The following METTL25 variants were observed in gnomAD, a reference collection of about 807,000 sequenced individuals.
METTL25 encodes probable methyltransferase-like protein 25.
METTL25 carries 64 observed loss-of-function variants against 71.6 expected under a neutral mutation model. The ratio of observed to expected loss-of-function variants is 0.89; its 90% CI spans 0.73 to 1.10. The LOEUF is 1.10. METTL25 is among the 50% of genes least tolerant of loss of function. The pLI is 0.00. For synonymous variants in METTL25, 287 were observed against 250.3 expected (o/e 1.15, Z -1.38); for missense variants, 807 against 707.0 (o/e 1.14, Z -1.60).
rs553543230 is a variant in METTL25, at chr12:82,424,214, T to G, written c.1280-6679T>G. ...TGGAATACTCTGCAGCCATAAAAAA[T>G]GATGAGTTCATGTCCTTTGTAGGGA... On this transcript the variant is annotated intron_variant, in intron 5 of 11. Transcript: ENST00000248306. Among the ~76,000 whole-genome samples the G allele has an allele frequency of 2.2e-3, 329 of 152,176 alleles. 1 individual carries two copies. Among genetic ancestry groups the G allele is most frequent in the Non-Finnish European group, 3.9e-3 (268 of 68,006 alleles).
intron 1 of METTL25, among the ~76,000 whole-genome samples, chr12:82,365,505 A>G (rs1882461096): frequency 6.6e-6 from 1 of 152,232 alleles, no homozygotes; most frequent in Non-Finnish European, 1.5e-5. Context: ...TATGACCTAT[A>G]TCTTATTTTG....
At chr12:82,476,343 G>T (rs1892877491) in intron 9 of METTL25, 1 of 263,016 alleles carries the variant, frequency 3.8e-6, no homozygotes, top group Non-Finnish European at 7.1e-6. Context: ...CCTCCTGTGT[G>T]TCCAAAGCAT....
intron 1 of METTL25, among the ~76,000 whole-genome samples, chr12:82,372,611 C>T (rs1453699882): frequency 6.6e-6 from 1 of 152,124 alleles, no homozygotes; most frequent in Admixed American, 6.5e-5. Context: ...CATTTTTCCC[C>T]ATCAGAGAGA....
At chr12:82,423,179 A>G (rs1319303542) in intron 5 of METTL25, among the ~76,000 whole-genome samples, 2 of 152,136 alleles carry the variant, frequency 1.3e-5, no homozygotes, top group Non-Finnish European at 2.9e-5. Flanking sequence ...GCATGGTACT[A>G]GTACCAAAAC....
intron 8 of METTL25, among the ~76,000 whole-genome samples, chr12:82,445,279 A>C (rs867005722): frequency 1.3e-5 from 2 of 152,188 alleles, no homozygotes; most frequent in African/African-American, 4.8e-5. Context: ...AAATATATAC[A>C]AATCTATAAT....
chr12:82,459,288 T>C (rs548889595), intron 9 of METTL25, among the ~76,000 whole-genome samples: 1 of 152,260 alleles, frequency 6.6e-6, no homozygotes, highest in African/African-American at 2.4e-5. Flanking sequence ...GGAAAGAGAT[T>C]GAAATTTTTA....
intron 5 of METTL25, among the ~76,000 whole-genome samples, chr12:82,417,142 A>G (rs1309623012): frequency 3.9e-5 from 6 of 152,104 alleles, no homozygotes; most frequent in Non-Finnish European, 8.8e-5. Flanking sequence ...AGAGAATAAC[A>G]TGGAACAGAG....
intron 7 of METTL25, among the ~76,000 whole-genome samples, chr12:82,437,272 C>T (rs1167631859): frequency 6.6e-6 from 1 of 151,600 alleles, no homozygotes; most frequent in Non-Finnish European, 1.5e-5. Flanking sequence ...TTAGTGTGGG[C>T]ACTCAAACAT....
At chr12:82,393,109 CTCTG>C (rs1885748430) in intron 3 of METTL25, among the ~76,000 whole-genome samples, 1 of 151,916 alleles carries the variant, frequency 6.6e-6, no homozygotes, top group Non-Finnish European at 1.5e-5. Flanking sequence ...TTTGGCTGTT[CTCTG>C]TCTTTTGTGA....
chr12:82,418,514 C>G (rs754709863), intron 5 of METTL25, among the ~76,000 whole-genome samples: 4 of 152,098 alleles, frequency 2.6e-5, no homozygotes, highest in Middle Eastern at 3.2e-3. Flanking sequence ...TAATCTCCAC[C>G]TGAGCAGTTA....
chr12:82,473,468 A>G (rs902551191), intron 9 of METTL25, among the ~76,000 whole-genome samples: 4 of 152,064 alleles, frequency 2.6e-5, no homozygotes, highest in Non-Finnish European at 4.4e-5. Flanking sequence ...GGAGGCTTGT[A>G]TACTGGGGAT....
chr12:82,414,549 C>T (rs1361280266), intron 5 of METTL25, among the ~76,000 whole-genome samples: 1 of 152,052 alleles, frequency 6.6e-6, no homozygotes, highest in African/African-American at 2.4e-5. Context: ...AAAGTTCTCC[C>T]TGTGTTCATG....
At chr12:82,442,934 A>G (rs1013478671) in intron 8 of METTL25, among the ~76,000 whole-genome samples, 2 of 151,934 alleles carry the variant, frequency 1.3e-5, no homozygotes, top group African/African-American at 2.4e-5. Flanking sequence ...TCTTAACAGC[A>G]CTTTAGACAC....
At position 82,398,952 on chromosome 12, in the gene METTL25, A is replaced by C. The variant is rs1886334301; in HGVS notation, c.689A>C (p.Gln230Pro). 6.2e-7 allele frequency: 1 copy of C among 1,611,332 alleles called. No individual in the cohort carries two copies. Among genetic ancestry groups the C allele is most frequent in the Non-Finnish European group, 8.5e-7 (1 of 1,179,008 alleles). Residue 230 changes from glutamine (Q) to proline (P), a missense_variant, in exon 4 of 12, where the codon CAG becomes CCG. Transcript: ENST00000248306. ...LKKHWKLCHA[Q>P]SRLDVNGLAL... ...AAACATTGGAAACTCTGTCATGCTC[A>C]GTCAAGATTAGATGTCAATGGACTA...
chr12:82,422,961 G>T (rs941914628), intron 5 of METTL25, among the ~76,000 whole-genome samples: 1 of 152,118 alleles, frequency 6.6e-6, no homozygotes, highest in Non-Finnish European at 1.5e-5. Flanking sequence ...TGTGAAAATG[G>T]CCATACTGCC....
intron 9 of METTL25, among the ~76,000 whole-genome samples, chr12:82,457,677 C>T (rs73153561): frequency 0.06 from 9,156 of 152,024 alleles, 336 homozygotes; most frequent in Middle Eastern, 0.11. Context: ...AAGCTCTTAA[C>T]GCAGTGTATA....
chr12:82,400,012 G>A (rs1336903465), intron 4 of METTL25, among the ~76,000 whole-genome samples: 3 of 148,958 alleles, frequency 2.0e-5, no homozygotes, highest in African/African-American at 7.4e-5. Flanking sequence ...TCTTTTTAAA[G>A]AAATTCTTCC....
chr12:82,369,778 CAG>C (rs1883003021), intron 1 of METTL25, among the ~76,000 whole-genome samples: 1 of 20,954 alleles, frequency 4.8e-5, no homozygotes, highest in Non-Finnish European at 2.1e-4. Context: ...GTCCATTTTA[CAG>C]AGTGTTGATT....
chr12:82,442,522 A>C (rs186324363), intron 8 of METTL25, among the ~76,000 whole-genome samples: 1 of 152,316 alleles, frequency 6.6e-6, no homozygotes, highest in East Asian at 1.9e-4. Context: ...CATTCTTGAA[A>C]TGACAGAATT....
Sources: gnomAD v4.1 joint callset for allele counts (sites outside exome capture counted in the v4.1 genomes callset) on GRCh38, gnomAD v4.1.1 for gene constraint, MANE v1.5 for transcripts, NCBI Gene and HGNC (gene_info 2026-07-23, HGNC 2026-07-21) for gene names.